SHLD1: variants seen among roughly 807,000 people sequenced by gnomAD.
SHLD1 encodes the protein RINN1-REV7-interacting novel NHEJ regulator 3.
SHLD1 carries 3 observed loss-of-function variants against 5.5 expected under a neutral mutation model. The observed-to-expected ratio is 0.54, with a 90% CI of 0.25 to 1.40. SHLD1 has a LOEUF of 1.40. SHLD1 is among the 40% of genes most tolerant of loss of function. The probability of loss-of-function intolerance (pLI) is 0.15; values close to 1 mark genes in which losing one functional copy is unlikely to be tolerated. For synonymous variants in SHLD1, 92 were observed against 94.3 expected, an observed-to-expected ratio of 0.98 and a Z score of 0.14; for missense variants, 210 against 244.4, an observed-to-expected ratio of 0.86 and a Z score of 0.94.
At chr20:5,850,079 G>C (rs2087986568) in intron 2 of SHLD1, among the ~76,000 whole-genome samples, 2 of 147,356 alleles carry the variant, frequency 1.4e-5, no homozygotes, top group East Asian at 3.9e-4. Flanking sequence ...AGGAATTCAA[G>C]ACCAGCCTGG....
intron 1 of SHLD1, among the ~76,000 whole-genome samples, chr20:5,757,450 G>A (rs1475109180): frequency 6.6e-6 from 1 of 151,984 alleles, no homozygotes; most frequent in Non-Finnish European, 1.5e-5. Context: ...CCTTTATCAG[G>A]TTGAGGAAGT....
chr20:5,797,877 C>T (rs1326233799), intron 2 of SHLD1, among the ~76,000 whole-genome samples: 1 of 152,206 alleles, frequency 6.6e-6, no homozygotes, highest in Non-Finnish European at 1.5e-5. Context: ...GCCTATTATA[C>T]ATGTAGATAT....
At chr20:5,834,908 C>T (rs1470570314) in intron 2 of SHLD1, among the ~76,000 whole-genome samples, 1 of 152,126 alleles carries the variant, frequency 6.6e-6, no homozygotes, top group Non-Finnish European at 1.5e-5. Context: ...TTTCTGGGGT[C>T]TCCTTTATGA....
chr20:5,795,100 G>A (rs908847572), intron 2 of SHLD1, among the ~76,000 whole-genome samples: 3 of 151,518 alleles, frequency 2.0e-5, no homozygotes, highest in African/African-American at 2.4e-5. Context: ...TTAGCCAGGC[G>A]TGGTGGCACA....
At chr20:5,797,359 A>C (rs569957124) in intron 2 of SHLD1, among the ~76,000 whole-genome samples, 132 of 152,152 alleles carry the variant, frequency 8.7e-4, no homozygotes, top group African/African-American at 3.1e-3. Context: ...TCTGGAGTTC[A>C]AGATCAGCCT....
intron 2 of SHLD1, among the ~76,000 whole-genome samples, chr20:5,859,672 T>C (rs2088135101): frequency 6.6e-6 from 1 of 152,230 alleles, no homozygotes; most frequent in African/African-American, 2.4e-5. Flanking sequence ...GGAGGCTTTA[T>C]AGTTGGTAGT....
At chr20:5,850,370 C>T (rs2087992477) in intron 2 of SHLD1, among the ~76,000 whole-genome samples, 1 of 151,990 alleles carries the variant, frequency 6.6e-6, no homozygotes. Context: ...CTGCACCTTC[C>T]AGACCACCTC....
intron 2 of SHLD1, among the ~76,000 whole-genome samples, chr20:5,857,412 G>A (rs1372726210): frequency 1.3e-5 from 2 of 152,098 alleles, no homozygotes; most frequent in East Asian, 3.8e-4. Context: ...GCCATGCAGG[G>A]CCCTGAAAAA....
rs778788265 is a variant in SHLD1 at position 5,764,135 on chromosome 20, AAAAAATATATATATATTTATATT to A, written c.-4-8726_-4-8704del. ...GAGCAAGGCTCTGTCTCAAAAAAAA[AAAAAATATATATATATTTATATT>A]TATATATATATATATATTTTTATAT... On this transcript the variant is annotated intron_variant, in intron 1 of 2. Transcript: ENST00000303142. 2.3e-4 allele frequency among the ~76,000 whole-genome samples: 22 copies of A among 96,226 alleles called. 1 individual carries two copies. Among genetic ancestry groups the A allele is most frequent in the Admixed American group, 8.9e-4 (7 of 7,886 alleles). 63.1% of individuals were successfully genotyped at this position (96,226 alleles called of 152,430 possible).
Position 5,863,116 on chromosome 20 carries a change from G to C in SHLD1, c.271G>C (p.Glu91Gln). 1 of 1,614,208 alleles carries C rather than the reference G, an allele frequency of 6.2e-7. No homozygotes were observed. Among genetic ancestry groups the C allele is most frequent in the Non-Finnish European group, 8.5e-7 (1 of 1,180,040 alleles). The change falls in exon 3 of 3, where the codon GAG becomes CAG. Residue 91 changes from glutamate (E) to glutamine (Q), a missense_variant. By Grantham distance (29) the Glu-to-Gln change is conservative (BLOSUM62 2). Coordinates refer to ENST00000303142, the MANE Select transcript of SHLD1 (RefSeq NM_152504.4). ...TGTGAAAGGCCAGTCAGAGAAGGAA[G>C]AGGATGATGGCCTTCGGAAATCCCT... ...PAVKGQSEKE[E>Q]DDGLRKSLDR... is the part of the protein sequence containing the mutation.
chr20:5,814,657 T>C (rs1030668519), intron 2 of SHLD1, among the ~76,000 whole-genome samples: 46 of 132,858 alleles, frequency 3.5e-4, no homozygotes, highest in African/African-American at 1.0e-3. Context: ...TCTTCTTCTT[T>C]TTTTTTTTTT....
chr20:5,833,256 A>G (rs992809452), intron 2 of SHLD1, among the ~76,000 whole-genome samples: 14 of 152,088 alleles, frequency 9.2e-5, no homozygotes, highest in African/African-American at 2.9e-4. Flanking sequence ...TTGTTTTTTA[A>G]TATCTTAACT....
chr20:5,806,229 G>A lies in SHLD1; in HGVS notation c.178+33186G>A, dbSNP rs2087373503. ...ATGGGGACAATAATATCTACCTGAT[G>A]GGTGGACACATAGTAGCTGACATAA... On this transcript the variant is annotated intron_variant, in intron 2 of 2. Transcript: ENST00000303142. The surrounding 1 kb of genome is among the most constrained non-coding windows in gnomAD (Gnocchi z 7.6). Among the ~76,000 whole-genome samples the A allele has an allele frequency of 6.6e-6, 1 of 152,128 alleles. No individual in the cohort carries two copies. The highest frequency in any genetic ancestry group is 2.4e-5 in the African/African-American group (1 of 41,436).
chr20:5,758,359 G>GAGGGGGAGGGGGAGGGGAAGGAT, intron 1 of SHLD1, among the ~76,000 whole-genome samples: 1 of 121,238 alleles, frequency 8.2e-6, no homozygotes, highest in Admixed American at 8.5e-5. Flanking sequence ...AGGGGAAGGA[G>GAGGGGGAGGGGGAGGGGAAGGAT]AGGGGGAGGG....
chr20:5,812,709 C>T (rs927435069), intron 2 of SHLD1, among the ~76,000 whole-genome samples: 6 of 152,098 alleles, frequency 3.9e-5, no homozygotes, highest in African/African-American at 1.2e-4. Context: ...TTTACCTGAA[C>T]CCTGATGGCT....
At chr20:5,810,650 T>C (rs1174979422) in intron 2 of SHLD1, among the ~76,000 whole-genome samples, 2 of 152,060 alleles carry the variant, frequency 1.3e-5, no homozygotes, top group Admixed American at 1.3e-4. Context: ...TCCCAGCACC[T>C]TGGGAGGCTG....
chr20:5,757,459 GT>G, intron 1 of SHLD1, among the ~76,000 whole-genome samples: 1 of 152,212 alleles, frequency 6.6e-6, no homozygotes, highest in Non-Finnish European at 1.5e-5. Context: ...GGTTGAGGAA[GT>G]TTATTTCTAT....
chr20:5,771,058 TA>T (rs1985124706), intron 1 of SHLD1, among the ~76,000 whole-genome samples: 1 of 152,168 alleles, frequency 6.6e-6, no homozygotes, highest in Non-Finnish European at 1.5e-5. Flanking sequence ...CAAGCATAAA[TA>T]ATTTTTGGTT....
At chr20:5,767,354 T>C (rs1427839499) in intron 1 of SHLD1, among the ~76,000 whole-genome samples, 1 of 152,152 alleles carries the variant, frequency 6.6e-6, no homozygotes, top group Admixed American at 6.6e-5. Context: ...TTGCCCAGGC[T>C]GGTCTCAAAT....
Sources: gnomAD v4.1 joint callset for allele counts (sites outside exome capture counted in the v4.1 genomes callset) on GRCh38, gnomAD v4.1.1 for gene constraint, Gnocchi (gnomAD v3.1) non-coding constraint, MANE v1.5 for transcripts, NCBI Gene and HGNC (gene_info 2026-07-23, HGNC 2026-07-21) for gene names.